The following DSC3 variants were observed in gnomAD, a reference collection of about 807,000 sequenced individuals.
DSC3 encodes desmocollin 3, also known as desmocollin-3.
Under a neutral mutation model 89.5 loss-of-function variants are expected in DSC3, and 97 were observed. The observed-to-expected ratio is 1.08, with a 90% CI of 0.92 to 1.28. The LOEUF (loss-of-function observed/expected upper bound fraction) is 1.28. Ranked by LOEUF, DSC3 falls within the 50% of genes most tolerant of loss-of-function variation. DSC3 has a pLI of 0.00. For missense variants in DSC3, 1,199 were observed against 1,085.3 expected (o/e 1.10, Z -1.47); for synonymous variants, 436 against 384.1 (o/e 1.14, Z -1.58).
At chr18:31,001,772 T>C in intron 13 of DSC3, 33 bp from the exon 14 acceptor site, 3 of 1,504,362 alleles carry the variant, frequency 2.0e-6, no homozygotes, top group Non-Finnish European at 2.7e-6. Flanking sequence ...AATAACTTAC[T>C]TTAGCATACA....
intron 6 of DSC3, 81 bp downstream of exon 6, chr18:31,024,268 G>A (rs1985519049): frequency 7.4e-7 from 1 of 1,346,486 alleles, no homozygotes; most frequent in South Asian, 1.6e-5. Context: ...ATCTGGCCTT[G>A]AGTATAAAAA....
rs1984168532 is a variant in DSC3 at position 30,989,735 on chromosome 18, A to G, written c.*4440T>C. ...AGCCCGTAAACATGTTCTGAATACT[A>G]TTTAATTTTTCTGCCCATGAAACCA... is the stretch of plus-strand genomic sequence containing the variant. On this transcript the variant is annotated 3_prime_UTR_variant, in exon 16 of 16. Coordinates refer to ENST00000360428, the MANE Select transcript of DSC3 (RefSeq NM_001941.5). 6.6e-6 allele frequency among the ~76,000 whole-genome samples: 1 copy of G among 152,220 alleles called. No individual in the cohort carries two copies. Among genetic ancestry groups the G allele is most frequent in the Admixed American group, 6.5e-5 (1 of 15,286 alleles).
At chr18:31,001,880 C>T (rs1001175125) in intron 13 of DSC3, 141 bp from the exon 14 acceptor site, 3 of 665,576 alleles carry the variant, frequency 4.5e-6, no homozygotes, top group African/African-American at 3.6e-5. Context: ...CTTGGCTGTT[C>T]TAAGTTAACA....
At chr18:31,000,288 T>G (rs1984608733) in intron 14 of DSC3, among the ~76,000 whole-genome samples, 1 of 152,208 alleles carries the variant, frequency 6.6e-6, no homozygotes, top group Non-Finnish European at 1.5e-5. Flanking sequence ...AAGCTTATCC[T>G]TTATACCTTT....
At chr18:31,006,849 T>A in intron 12 of DSC3, 58 bp downstream of exon 12, 1 of 1,351,372 alleles carries the variant, frequency 7.4e-7, no homozygotes, top group Non-Finnish European at 1.0e-6. Context: ...CAAGTCAATC[T>A]ATCCTCCAGT....
chr18:30,997,753 G>C (rs1269104751), intron 14 of DSC3, among the ~76,000 whole-genome samples: 1 of 152,200 alleles, frequency 6.6e-6, no homozygotes, highest in African/African-American at 2.4e-5. Flanking sequence ...GAGCACAGAA[G>C]TAGAGCATTA....
In DSC3 at chr18:31,008,113, T is replaced by C; in HGVS notation, c.1566A>G (p.Glu522=). 6.2e-7 allele frequency: 1 copy of C among 1,613,086 alleles called. No homozygotes were observed. The change falls in exon 11 of 16, where the codon GAA becomes GAG. Residue 522 remains glutamate (E), a synonymous_variant. Coordinates refer to ENST00000360428, the MANE Select transcript of DSC3 (RefSeq NM_001941.5). ...TGGAAGTTATGATTGACCCTGAAAT[T>C]TCATCAATGGTGATCCAACCTTTAG... ...HDPKGWITID[E]ISGSIITSKI... is the part of the protein sequence containing the mutation.
At chr18:31,021,059 T>TG (rs1567957243) in intron 7 of DSC3, among the ~76,000 whole-genome samples, 3 of 151,452 alleles carry the variant, frequency 2.0e-5, no homozygotes, top group African/African-American at 7.3e-5. Context: ...ATTCACTGTT[T>TG]TTTTTTTTTA....
intron 15 of DSC3, among the ~76,000 whole-genome samples, chr18:30,995,712 G>A (rs186254202): frequency 8.2e-4 from 125 of 152,174 alleles, no homozygotes; most frequent in African/African-American, 3.0e-3. Context: ...TGGCTCATGC[G>A]TATAATCCCG....
intron 6 of DSC3, among the ~76,000 whole-genome samples, chr18:31,024,123 C>T (rs893069016): frequency 6.6e-6 from 1 of 152,074 alleles, no homozygotes; most frequent in South Asian, 2.1e-4. Flanking sequence ...TGTTAGCTCC[C>T]TTTACAGTTA....
chr18:31,027,718 A>G (rs1009123307), intron 4 of DSC3, among the ~76,000 whole-genome samples: 3 of 152,118 alleles, frequency 2.0e-5, no homozygotes, highest in Admixed American at 2.0e-4. Flanking sequence ...GGAGAAAGCA[A>G]TATGTCCCTT....
chr18:31,016,300 G>C (rs978724269), intron 9 of DSC3, among the ~76,000 whole-genome samples: 1 of 152,154 alleles, frequency 6.6e-6, no homozygotes, highest in Non-Finnish European at 1.5e-5. Context: ...GCTCTAATAA[G>C]CTTGCTTTGC....
rs1482023024 is a variant in DSC3, at chr18:30,990,512, G to A, written c.*3663C>T. The A allele has an allele frequency of 6.6e-6, 1 of 152,182 alleles. No homozygotes were observed. Among genetic ancestry groups the A allele is most frequent in the Non-Finnish European group, 1.5e-5 (1 of 68,026 alleles). 9.4% of individuals were successfully genotyped at this position (152,182 alleles called of 1,614,324 possible). ...ACCTATATTAAAATGTAAGGCTTTT[G>A]ATATAGCTAATAGATTTTTGAAATG... On this transcript the variant is annotated 3_prime_UTR_variant, in exon 16 of 16. Transcript: ENST00000360428.
chr18:31,015,638 T>G (rs1461730096), intron 9 of DSC3, among the ~76,000 whole-genome samples: 1 of 152,194 alleles, frequency 6.6e-6, no homozygotes, highest in Admixed American at 6.5e-5. Context: ...ATGATAGAGT[T>G]TCTCCACATG....
At chr18:30,995,021 G>T (rs938450682) in intron 15 of DSC3, among the ~76,000 whole-genome samples, 1 of 152,046 alleles carries the variant, frequency 6.6e-6, no homozygotes, top group South Asian at 2.1e-4. Flanking sequence ...TACATGCATC[G>T]AAAAGTTCAA....
At chr18:31,032,519 A>G (rs1985824785) in intron 1 of DSC3, among the ~76,000 whole-genome samples, 1 of 151,140 alleles carries the variant, frequency 6.6e-6, no homozygotes, top group Non-Finnish European at 1.5e-5. Flanking sequence ...GAACAAGACA[A>G]TGATGTCTGC....
At chr18:30,996,658 G>T in intron 15 of DSC3, 133 bp downstream of exon 15, 1 of 933,028 alleles carries the variant, frequency 1.1e-6, no homozygotes, top group Non-Finnish European at 1.5e-6. Flanking sequence ...AAATCAAAGA[G>T]CACGGGAAAA....
intron 1 of DSC3, among the ~76,000 whole-genome samples, chr18:31,042,291 AC>A (rs1185307944): frequency 6.6e-6 from 1 of 151,600 alleles, no homozygotes; most frequent in Non-Finnish European, 1.5e-5. Context: ...GTGAATCCCA[AC>A]CCCCTGCCCA....
At chr18:31,039,200 C>A (rs1986061219) in intron 1 of DSC3, among the ~76,000 whole-genome samples, 1 of 152,042 alleles carries the variant, frequency 6.6e-6, no homozygotes, top group Non-Finnish European at 1.5e-5. Flanking sequence ...TAGTACTAAG[C>A]AAATTGTATT....
Sources: gnomAD v4.1 joint callset for allele counts (sites outside exome capture counted in the v4.1 genomes callset) on GRCh38, gnomAD v4.1.1 for gene constraint, MANE v1.5 for transcripts, NCBI Gene and HGNC (gene_info 2026-07-23, HGNC 2026-07-21) for gene names.